Variants in MAPK10 observed in about 807,000 individuals in gnomAD.
MAPK10 encodes the protein mitogen-activated protein kinase 10.
Under a neutral mutation model 59.3 loss-of-function variants are expected in MAPK10, and 25 were observed. The ratio of observed to expected loss-of-function variants is 0.42; its 90% CI spans 0.31 to 0.59. The LOEUF (loss-of-function observed/expected upper bound fraction) is 0.59. Among genes scored for constraint, MAPK10 ranks in the 20% least tolerant of loss-of-function variants. The pLI is 0.15. For synonymous variants in MAPK10, 190 were observed against 200.5 expected (o/e 0.95, Z 0.44); for missense variants, 351 against 568.9 (o/e 0.62, Z 3.90).
chr4:86,399,216 C>T (rs1320523189), intron 1 of MAPK10, among the ~76,000 whole-genome samples: 3 of 152,152 alleles, frequency 2.0e-5, no homozygotes, highest in Admixed American at 6.5e-5. Flanking sequence ...ATTTACATTC[C>T]CACCTACAGT....
intron 1 of MAPK10, among the ~76,000 whole-genome samples, chr4:86,424,335 A>G (rs1579166861): frequency 6.6e-6 from 1 of 152,066 alleles, no homozygotes; most frequent in South Asian, 2.1e-4. Context: ...GATTACAGGC[A>G]CCTGCCACCA....
intron 2 of MAPK10, among the ~76,000 whole-genome samples, chr4:86,194,885 T>C (rs986836652): frequency 3.3e-5 from 5 of 151,958 alleles, no homozygotes; most frequent in Non-Finnish European, 7.4e-5. Context: ...TTTTCAAACA[T>C]GATATTGACC....
At chr4:86,127,976 A>G (rs2060340023) in intron 4 of MAPK10, among the ~76,000 whole-genome samples, 1 of 152,042 alleles carries the variant, frequency 6.6e-6, no homozygotes, top group East Asian at 1.9e-4. Context: ...ATTTTATTGT[A>G]GTGTTACTCA....
intron 1 of MAPK10, among the ~76,000 whole-genome samples, chr4:86,397,878 A>C (rs1045658268): frequency 1.5e-4 from 22 of 150,092 alleles, no homozygotes; most frequent in Non-Finnish European, 1.8e-4. Flanking sequence ...AAAAAAAAAA[A>C]AAAAAAAAAA....
intron 9 of MAPK10, among the ~76,000 whole-genome samples, chr4:86,075,553 G>A (rs1446425158): frequency 3.3e-5 from 5 of 152,204 alleles, no homozygotes; most frequent in Admixed American, 2.0e-4. Context: ...TGATGATAGT[G>A]ATGTACAGAT....
chr4:86,016,649 G>T lies in MAPK10; in HGVS notation c.*579C>A, dbSNP rs1743425760. On this transcript the variant is annotated 3_prime_UTR_variant, in exon 14 of 14. Transcript: ENST00000641462. ...TATACTGGCAATATATTACAGATGG[G>T]TTTATGTCAGAGTAATAGATCACAT... 1.3e-5 allele frequency: 2 copies of T among 153,444 alleles called. No homozygotes were observed. Among genetic ancestry groups the T allele is most frequent in the Non-Finnish European group, 2.9e-5 (2 of 68,744 alleles). The allele number at this position is 153,444 out of a possible 1,614,324, so 9.5% of individuals were successfully genotyped here.
intron 1 of MAPK10, among the ~76,000 whole-genome samples, chr4:86,533,208 A>T (rs1162909713): frequency 2.0e-5 from 3 of 152,202 alleles, no homozygotes; most frequent in African/African-American, 4.8e-5. Flanking sequence ...AACCAGATAC[A>T]TAGAGAGAGA....
At chr4:86,404,434 T>C (rs1744109444) in intron 1 of MAPK10, among the ~76,000 whole-genome samples, 1 of 152,194 alleles carries the variant, frequency 6.6e-6, no homozygotes, top group Non-Finnish European at 1.5e-5. Flanking sequence ...TTACTCTTCA[T>C]TCATGATTCA....
chr4:86,076,338 A>C (rs1020404048), intron 9 of MAPK10, among the ~76,000 whole-genome samples: 5 of 152,218 alleles, frequency 3.3e-5, no homozygotes, highest in Non-Finnish European at 5.9e-5. Context: ...ATGGAAATGC[A>C]GAAATCACCC....
intron 1 of MAPK10, among the ~76,000 whole-genome samples, chr4:86,469,347 A>T (rs1379017044): frequency 2.6e-5 from 4 of 152,242 alleles, no homozygotes; most frequent in Non-Finnish European, 5.9e-5. Flanking sequence ...TAAGTTGTCC[A>T]AAGGTGGAAT....
intron 4 of MAPK10, among the ~76,000 whole-genome samples, chr4:86,141,588 C>A (rs975622062): frequency 6.6e-6 from 1 of 152,180 alleles, no homozygotes; most frequent in South Asian, 2.1e-4. Flanking sequence ...AAAAGCCATT[C>A]CTGGGGTAAT....
At chr4:86,177,977 A>T (rs1315380440) in intron 3 of MAPK10, among the ~76,000 whole-genome samples, 1 of 152,122 alleles carries the variant, frequency 6.6e-6, no homozygotes, top group East Asian at 1.9e-4. Flanking sequence ...AAAAGGCAAC[A>T]TGTTTAATCT....
rs561478223 is a variant in MAPK10, at chr4:86,583,842, T to A, written c.-263+10068A>T. On this transcript the variant is annotated intron_variant, in intron 1 of 4. Transcript: ENST00000502302. ...GTAACAGTGCTTTAAATAAAAGATA[T>A]CTTTTATCTTATCTAAATTGAGGTA... Among the ~76,000 whole-genome samples the A allele has an allele frequency of 3.0e-4, 46 of 152,250 alleles. 1 individual carries two copies. The highest frequency in any genetic ancestry group is 1.1e-3 in the African/African-American group (44 of 41,540).
rs143261660 is a variant in MAPK10 at position 86,064,729 on chromosome 4, G to C, written c.986-339C>G. On this transcript the variant is annotated intron_variant, in intron 10 of 13. Transcript: ENST00000641462. ...GAATATAGGATAAACAGAATAAAGA[G>C]CACAGAGTGCAAATGCATGATGTTC... 265 of 218,868 alleles carry C rather than the reference G, an allele frequency of 1.2e-3. 1 individual carries two copies. Among genetic ancestry groups the C allele is most frequent in the African/African-American group, 5.8e-3 (251 of 43,418 alleles). The allele number at this position is 218,868 out of a possible 1,614,324, so 13.6% of individuals were successfully genotyped here.
At chr4:86,138,604 C>T (rs1263632799) in intron 4 of MAPK10, among the ~76,000 whole-genome samples, 1 of 135,570 alleles carries the variant, frequency 7.4e-6, no homozygotes, top group African/African-American at 2.7e-5. Context: ...AAACTGGAAG[C>T]ATTCCCTTTG....
chr4:86,084,166 A>G (rs116839354), intron 9 of MAPK10, among the ~76,000 whole-genome samples: 5,561 of 152,266 alleles, frequency 0.037, 147 homozygotes, highest in Middle Eastern at 0.092. Flanking sequence ...AAGCAGAGGG[A>G]AAGTAAAGGG....
intron 1 of MAPK10, among the ~76,000 whole-genome samples, chr4:86,449,321 C>T (rs1269736121): frequency 6.6e-6 from 1 of 152,196 alleles, no homozygotes; most frequent in African/African-American, 2.4e-5. Context: ...AACCAAAAAA[C>T]ACTACAAATG....
intron 3 of MAPK10, among the ~76,000 whole-genome samples, chr4:86,179,906 T>A (rs971029188): frequency 6.6e-6 from 1 of 152,022 alleles, no homozygotes; most frequent in Non-Finnish European, 1.5e-5. Flanking sequence ...ATAGGGAATA[T>A]GCTTTGGAAC....
intron 9 of MAPK10, among the ~76,000 whole-genome samples, chr4:86,074,217 C>G (rs2149011701): frequency 7.3e-6 from 1 of 136,706 alleles, no homozygotes; most frequent in South Asian, 2.3e-4. Context: ...GGATTGCAAC[C>G]CCTGCCTTTT....
Sources: allele counts gnomAD v4.1 joint callset (sites outside exome capture counted in the v4.1 genomes callset), GRCh38; gene constraint gnomAD v4.1.1; transcripts MANE v1.5; gene names NCBI Gene and HGNC (gene_info 2026-07-23, HGNC 2026-07-21).